LEPR: variants seen among roughly 807,000 people sequenced by gnomAD.
LEPR encodes the protein OB receptor.
Under a neutral mutation model 114.7 loss-of-function variants are expected in LEPR, and 56 were observed. The observed-to-expected ratio is 0.49, with a 90% CI of 0.39 to 0.61. The LOEUF (loss-of-function observed/expected upper bound fraction) is 0.61. Among genes scored for constraint, LEPR ranks in the 20% least tolerant of loss-of-function variants. LEPR has a pLI of 0.00. For synonymous variants in LEPR, 443 were observed against 461.4 expected (o/e 0.96, Z 0.51); for missense variants, 1,202 against 1,352.9 (o/e 0.89, Z 1.75).
At chr1:65,432,123 C>A (rs1013996285) in intron 2 of LEPR, 24 of 1,257,680 alleles carry the variant, frequency 1.9e-5, no homozygotes, top group Non-Finnish European at 2.4e-5. Context: ...GATTATGTTA[C>A]TCAAATTATG....
Position 65,572,380 on chromosome 1 carries a change from G to A in LEPR, c.425G>A (p.Cys142Tyr). ...AAAGGAGACTTAAAATTATTCATCT[G>A]TTATGTGGAGTCATTATTTAAGAAT... ...WLKGDLKLFI[C>Y]YVESLFKNLF... The change falls in exon 5 of 20, where the codon TGT becomes TAT. Residue 142 changes from cysteine to tyrosine, a missense_variant. By Grantham distance (194) the Cys-to-Tyr change is radical. Transcript: ENST00000349533. 1 of 1,428,998 alleles carries A rather than the reference G, an allele frequency of 7.0e-7. No homozygotes were observed. The highest frequency in any genetic ancestry group is 3.4e-5 in the East Asian group (1 of 29,186). 88.5% of individuals were successfully genotyped at this position (1,428,998 alleles called of 1,614,324 possible).
chr1:65,565,500 G>C, intron 2 of LEPR, 46 bp from the exon 3 acceptor site: 2 of 1,589,510 alleles, frequency 1.3e-6, no homozygotes, highest in Non-Finnish European at 1.7e-6. Flanking sequence ...ATATATATGT[G>C]TTTTTGTTTT....
intron 2 of LEPR, chr1:65,494,233 C>T (rs1648031192): frequency 6.6e-6 from 1 of 152,098 alleles, no homozygotes; most frequent in Non-Finnish European, 1.5e-5. Context: ...TAATCTTATA[C>T]ACTCATAAAA....
chr1:65,624,989 C>T (rs1368828348), intron 19 of LEPR, among the ~76,000 whole-genome samples: 1 of 152,146 alleles, frequency 6.6e-6, no homozygotes, highest in Non-Finnish European at 1.5e-5. Context: ...TGTGCTGTTG[C>T]TCACTAAGCC....
chr1:65,471,179 G>A (rs936464933), intron 2 of LEPR, among the ~76,000 whole-genome samples: 3 of 152,168 alleles, frequency 2.0e-5, no homozygotes, highest in African/African-American at 7.2e-5. Context: ...TTGTCTGCAT[G>A]CAAGGAGAAC....
At chr1:65,537,739 G>A (rs74084018) in intron 2 of LEPR, among the ~76,000 whole-genome samples, 2,670 of 152,174 alleles carry the variant, frequency 0.018, 84 homozygotes, top group African/African-American at 0.06. Context: ...TGTGGTGAGA[G>A]TATTGATAAT....
intron 2 of LEPR, among the ~76,000 whole-genome samples, chr1:65,525,110 T>C (rs1181454966): frequency 6.6e-6 from 1 of 152,236 alleles, no homozygotes; most frequent in Non-Finnish European, 1.5e-5. Flanking sequence ...GCCTTCCTGA[T>C]AAGCATGACG....
chr1:65,621,352 G>A lies in LEPR; in HGVS notation c.2492-1G>A. 1 of 1,609,952 alleles carries A rather than the reference G, an allele frequency of 6.2e-7. No individual in the cohort carries two copies. Among genetic ancestry groups the A allele is most frequent in the Non-Finnish European group, 8.5e-7 (1 of 1,176,830 alleles). On this transcript the variant is annotated splice_acceptor_variant, in intron 17 of 19. Coordinates refer to ENST00000349533, the MANE Select transcript of LEPR (RefSeq NM_002303.6). LOFTEE classifies it high-confidence loss of function. ...TTGTGTAAATTGTATTTCTTTTTCA[G>A]ATGATATTGAAAAACACCAGAGTGA... is the stretch of plus-strand genomic sequence containing the variant.
chr1:65,582,648 A>G (rs1655064895), intron 5 of LEPR, among the ~76,000 whole-genome samples: 1 of 152,152 alleles, frequency 6.6e-6, no homozygotes, highest in Non-Finnish European at 1.5e-5. Context: ...ATCAGTGCCC[A>G]TGCACTTTTC....
At chr1:65,622,489 G>A (rs1220492983) in intron 18 of LEPR, among the ~76,000 whole-genome samples, 1 of 152,160 alleles carries the variant, frequency 6.6e-6, no homozygotes, top group Admixed American at 6.5e-5. Flanking sequence ...CCAAATCTCT[G>A]TAGAAACCAT....
At position 65,570,805 on chromosome 1, in the gene LEPR, A is replaced by G; in HGVS notation, c.370+3A>G. 6.5e-7 allele frequency: 1 copy of G among 1,547,956 alleles called. No homozygotes were observed. The highest frequency in any genetic ancestry group is 8.7e-7 in the Non-Finnish European group (1 of 1,149,750). On this transcript the variant is annotated splice_donor_region_variant and intron_variant, in intron 4 of 19. Coordinates refer to ENST00000349533, the MANE Select transcript of LEPR (RefSeq NM_002303.6). ...TTCTTTAGTTTTTCAACAAATAGGT[A>G]AGCATTAGCTATGTTTTAAATGTAT...
intron 2 of LEPR, among the ~76,000 whole-genome samples, chr1:65,445,689 G>C (rs931451753): frequency 1.3e-5 from 2 of 151,754 alleles, no homozygotes; most frequent in Non-Finnish European, 2.9e-5. Context: ...TTTTAAGTAA[G>C]AATCTCTAAC....
chr1:65,554,129 T>G (rs1039707326), intron 2 of LEPR, among the ~76,000 whole-genome samples: 4 of 152,162 alleles, frequency 2.6e-5, no homozygotes, highest in Non-Finnish European at 5.9e-5. Flanking sequence ...CTCTCCTGTA[T>G]GAGGTGTCTG....
At chr1:65,595,294 A>G (rs775830618) in intron 6 of LEPR, among the ~76,000 whole-genome samples, 1 of 39,102 alleles carries the variant, frequency 2.6e-5, no homozygotes, top group Non-Finnish European at 4.9e-5. Flanking sequence ...GTAGGCATAC[A>G]TATACATAAG....
At chr1:65,547,544 A>G (rs1415442089) in intron 2 of LEPR, among the ~76,000 whole-genome samples, 2 of 151,742 alleles carry the variant, frequency 1.3e-5, no homozygotes. Context: ...GGGAGAGTGT[A>G]TGTGTCGAGG....
At chr1:65,576,633 C>T (rs1173730127) in intron 5 of LEPR, 1 of 155,494 alleles carries the variant, frequency 6.4e-6, no homozygotes, top group South Asian at 1.9e-4. Flanking sequence ...ATCCTAACTT[C>T]TTTCTCAATT....
At chr1:65,515,213 A>G (rs1057120368) in intron 2 of LEPR, among the ~76,000 whole-genome samples, 2 of 152,226 alleles carry the variant, frequency 1.3e-5, no homozygotes, top group Non-Finnish European at 2.9e-5. Flanking sequence ...GATGCTCTTA[A>G]GTCACTGTGA....
At chr1:65,581,449 CT>C (rs35414686) in intron 5 of LEPR, among the ~76,000 whole-genome samples, 234 of 145,762 alleles carry the variant, frequency 1.6e-3, no homozygotes, top group Middle Eastern at 7.8e-3. Context: ...GGTTGAAAGG[CT>C]TTTTTTTTTT....
At chr1:65,486,759 C>A (rs1223137293) in intron 2 of LEPR, among the ~76,000 whole-genome samples, 1 of 152,060 alleles carries the variant, frequency 6.6e-6, no homozygotes, top group Non-Finnish European at 1.5e-5. Flanking sequence ...CTAGGAGAAC[C>A]AAGAGTAACA....
Sources: allele counts gnomAD v4.1 joint callset (sites outside exome capture counted in the v4.1 genomes callset), GRCh38; gene constraint gnomAD v4.1.1; transcripts MANE v1.5; gene names NCBI Gene and HGNC (gene_info 2026-07-23, HGNC 2026-07-21).